Variants in EYS observed in about 807,000 individuals in gnomAD.
EYS encodes EGF-like photoreceptor maintenance factor.
EYS carries 250 observed loss-of-function variants against 282.1 expected under a neutral mutation model. That is an observed-to-expected ratio of 0.89 (90% CI 0.80 to 0.98). The LOEUF (loss-of-function observed/expected upper bound fraction) is 0.98, where lower values mean the gene tolerates loss of function less well. EYS is among the 50% of genes least tolerant of loss of function. The pLI is 0.00. For missense variants in EYS, 4,016 were observed against 3,709.0 expected (o/e 1.08, Z -2.15); for synonymous variants, 1,355 against 1,282.9 (o/e 1.06, Z -1.20).
At chr6:65,526,234 C>T (rs1047390699) in intron 2 of EYS, among the ~76,000 whole-genome samples, 1 of 152,088 alleles carries the variant, frequency 6.6e-6, no homozygotes, top group African/African-American at 2.4e-5. Flanking sequence ...AAATCTGATT[C>T]CCATTGACAT....
At chr6:65,140,051 A>C (rs1764289066) in intron 12 of EYS, among the ~76,000 whole-genome samples, 1 of 152,090 alleles carries the variant, frequency 6.6e-6, no homozygotes, top group South Asian at 2.1e-4. Flanking sequence ...AATAAATGAC[A>C]ATACCAAAAT....
At chr6:65,409,752 A>G (rs1193035795) in intron 5 of EYS, among the ~76,000 whole-genome samples, 1 of 152,128 alleles carries the variant, frequency 6.6e-6, no homozygotes, top group Non-Finnish European at 1.5e-5. Context: ...GAGCATCAAG[A>G]AATACTTATC....
At chr6:64,998,091 A>G (rs189950840) in intron 13 of EYS, among the ~76,000 whole-genome samples, 198 of 152,310 alleles carry the variant, frequency 1.3e-3, no homozygotes, top group African/African-American at 4.6e-3. Flanking sequence ...AATAAACAAG[A>G]CCTTAACTGT....
At chr6:64,460,354 T>C (rs1301683869) in intron 26 of EYS, among the ~76,000 whole-genome samples, 4 of 152,204 alleles carry the variant, frequency 2.6e-5, no homozygotes, top group Non-Finnish European at 4.4e-5. Context: ...GTGTTGTTTG[T>C]TTAATCTCCA....
chr6:64,152,621 C>T (rs895877881), intron 31 of EYS, among the ~76,000 whole-genome samples: 4 of 152,126 alleles, frequency 2.6e-5, no homozygotes, highest in African/African-American at 9.7e-5. Flanking sequence ...TATTTTGTTC[C>T]ATTGCAATCA....
At chr6:63,939,196 C>G (rs1765160611) in intron 35 of EYS, among the ~76,000 whole-genome samples, 1 of 151,502 alleles carries the variant, frequency 6.6e-6, no homozygotes, top group South Asian at 2.1e-4. Context: ...ATTTCAAAAG[C>G]CTTTTCAAGC....
At chr6:65,048,416 C>T (rs1243406167) in intron 13 of EYS, among the ~76,000 whole-genome samples, 1 of 151,846 alleles carries the variant, frequency 6.6e-6, no homozygotes, top group East Asian at 1.9e-4. Context: ...GACTTTCTTA[C>T]TACTTCTTCC....
At chr6:65,073,746 ATAT>A (rs1208567926) in intron 12 of EYS, among the ~76,000 whole-genome samples, 1 of 151,940 alleles carries the variant, frequency 6.6e-6, no homozygotes, top group Admixed American at 6.6e-5. Context: ...GGATATACAA[ATAT>A]TATGCAGAAG....
intron 29 of EYS, among the ~76,000 whole-genome samples, chr6:64,383,487 G>T (rs1051606672): frequency 2.0e-5 from 3 of 152,196 alleles, no homozygotes; most frequent in African/African-American, 7.2e-5. Flanking sequence ...AAGTCCAAAT[G>T]GTAGTCCAGC....
At chr6:64,279,331 T>C (rs947586602) in intron 30 of EYS, among the ~76,000 whole-genome samples, 1 of 152,206 alleles carries the variant, frequency 6.6e-6, no homozygotes, top group Non-Finnish European at 1.5e-5. Context: ...AACACAAGAA[T>C]GAAGCTTACA....
intron 28 of EYS, among the ~76,000 whole-genome samples, chr6:64,429,116 A>G (rs1231358352): frequency 6.6e-6 from 1 of 152,200 alleles, no homozygotes; most frequent in African/African-American, 2.4e-5. Flanking sequence ...AAATGGACGT[A>G]TCAAGTAAAA....
chr6:65,271,812 G>C (rs904664086), intron 12 of EYS, among the ~76,000 whole-genome samples: 1 of 152,042 alleles, frequency 6.6e-6, no homozygotes, highest in Non-Finnish European at 1.5e-5. Context: ...TTGAACTCCT[G>C]ACGTCAAGCG....
At chr6:65,187,317 T>C (rs1478415625) in intron 12 of EYS, among the ~76,000 whole-genome samples, 2 of 151,710 alleles carry the variant, frequency 1.3e-5, no homozygotes, top group Non-Finnish European at 2.9e-5. Context: ...CATCAAAGAA[T>C]AGAGGTTAAT....
intron 2 of EYS, among the ~76,000 whole-genome samples, chr6:65,629,446 G>T (rs1344168678): frequency 1.3e-5 from 2 of 152,166 alleles, no homozygotes; most frequent in African/African-American, 4.8e-5. Flanking sequence ...CATGTCCATT[G>T]TTCTTCTAGG....
intron 12 of EYS, among the ~76,000 whole-genome samples, chr6:65,276,563 C>T (rs1299270114): frequency 2.0e-5 from 3 of 152,084 alleles, no homozygotes; most frequent in African/African-American, 7.2e-5. Flanking sequence ...TACTGTTTTA[C>T]AACAGAGGTA....
At chr6:64,773,545 T>C (rs1773589211) in intron 22 of EYS, among the ~76,000 whole-genome samples, 1 of 151,938 alleles carries the variant, frequency 6.6e-6, no homozygotes, top group Non-Finnish European at 1.5e-5. Flanking sequence ...CTCTGAGAAA[T>C]TGCCAGACTG....
rs115934412 is a variant in EYS at position 64,706,228 on chromosome 6, C to T, written c.3444-79983G>A. Among the ~76,000 whole-genome samples, 591 of 152,184 alleles carry T rather than the reference C, an allele frequency of 3.9e-3. 7 individuals carry two copies. The highest frequency in any genetic ancestry group is 0.013 in the African/African-American group (541 of 41,536). ...AAAAACATTAAGTGGGGAAAGGGCACACTATTCAACGAATGGTGATGGGAT... is the reference window on the plus strand; with the variant it reads ...AAAAACATTAAGTGGGGAAAGGGCATACTATTCAACGAATGGTGATGGGAT... On this transcript the variant is annotated intron_variant, in intron 22 of 42. Coordinates refer to ENST00000503581, the MANE Select transcript of EYS (RefSeq NM_001142800.2).
At chr6:64,410,444 T>C (rs975231671) in intron 28 of EYS, among the ~76,000 whole-genome samples, 7 of 152,110 alleles carry the variant, frequency 4.6e-5, no homozygotes, top group Admixed American at 1.3e-4. Flanking sequence ...AGCCTTTTAC[T>C]TCCACTGAAG....
chr6:65,432,184 C>G (rs1767912156), intron 5 of EYS, among the ~76,000 whole-genome samples: 1 of 152,028 alleles, frequency 6.6e-6, no homozygotes, highest in Non-Finnish European at 1.5e-5. Flanking sequence ...TTTCATAAGT[C>G]AGGATTGCAA....
Sources: allele counts gnomAD v4.1 joint callset (sites outside exome capture counted in the v4.1 genomes callset), GRCh38; gene constraint gnomAD v4.1.1; transcripts MANE v1.5; gene names NCBI Gene and HGNC (gene_info 2026-07-23, HGNC 2026-07-21).